The following BAHCC1 variants were observed in gnomAD, a reference collection of about 807,000 sequenced individuals.
BAHCC1 encodes BAH domain and coiled-coil containing 1, also known as BAH and coiled-coil domain-containing protein 1.
In BAHCC1, 43 loss-of-function variants were observed where a neutral mutation model predicts 88.2. The observed-to-expected ratio is 0.49, with a 90% confidence interval of 0.38 to 0.63. The LOEUF (loss-of-function observed/expected upper bound fraction) is 0.63, where lower values mean the gene tolerates loss of function less well. Among genes scored for constraint, BAHCC1 ranks in the 20% least tolerant of loss-of-function variants. The pLI, the probability that BAHCC1 is intolerant of heterozygous loss-of-function variation, is 0.00. For missense variants in BAHCC1, 3,023 were observed against 1,654.8 expected (o/e 1.83, Z -14.34); for synonymous variants, 1,510 against 745.5 (o/e 2.03, Z -16.71).
chr17:81,412,983 G>A (rs1221268490), intron 2 of BAHCC1: 1 of 290,528 alleles, frequency 3.4e-6, no homozygotes. Context: ...TGCGGGTGCG[G>A]CCTCACCTTG....
At chr17:81,419,008 C>T (rs1299903808) in intron 2 of BAHCC1, among the ~76,000 whole-genome samples, 2 of 151,788 alleles carry the variant, frequency 1.3e-5, no homozygotes, top group African/African-American at 4.9e-5. Flanking sequence ...GTGTGAGGTG[C>T]ACCCCACATC....
At chr17:81,449,139 C>T (rs782446906) in intron 11 of BAHCC1, among the ~76,000 whole-genome samples, 16 of 152,142 alleles carry the variant, frequency 1.1e-4, no homozygotes, top group Non-Finnish European at 1.9e-4. Flanking sequence ...CCACGTGTCC[C>T]GGGTGGTGGG....
chr17:81,437,774 A>T (rs2064356138), intron 3 of BAHCC1, among the ~76,000 whole-genome samples: 1 of 151,912 alleles, frequency 6.6e-6, no homozygotes, highest in Non-Finnish European at 1.5e-5. Flanking sequence ...TGTGCAAGGA[A>T]CTCTTTGCCC....
At chr17:81,398,419 T>G (rs1342915033) in intron 1 of BAHCC1, among the ~76,000 whole-genome samples, 1 of 152,200 alleles carries the variant, frequency 6.6e-6, no homozygotes, top group Non-Finnish European at 1.5e-5. Context: ...CAGAAGGTTG[T>G]GCTGGGCCGG....
chr17:81,463,945 C>A lies in BAHCC1; in HGVS notation c.*128C>A. The A allele has an allele frequency of 1.6e-6, 1 of 643,258 alleles. No homozygotes were observed. The highest frequency in any genetic ancestry group is 1.7e-5 in the South Asian group (1 of 57,590). 39.8% of individuals were successfully genotyped at this position (643,258 alleles called of 1,614,324 possible). A position where few individuals can be genotyped will look rare whatever the true frequency, so the allele number is the denominator to read the frequency against. On this transcript the variant is annotated 3_prime_UTR_variant, in exon 28 of 28. Coordinates refer to ENST00000675386, the MANE Select transcript of BAHCC1 (RefSeq NM_001377448.1). Reference sequence around the variant, plus strand: ...CGCATCTGAGCAAATATGCAAAAGCCCACAGGGCAAGACCCAGGCTTTCTT... The same window carrying A: ...CGCATCTGAGCAAATATGCAAAAGCACACAGGGCAAGACCCAGGCTTTCTT...
rs1303641242 is a variant in BAHCC1 at position 81,395,470 on chromosome 17, G to A, written c.-372G>A. On this transcript the variant is annotated 5_prime_UTR_variant, in exon 1 of 28. Coordinates refer to ENST00000675386, the MANE Select transcript of BAHCC1 (RefSeq NM_001377448.1). ...CCGTGGCTCGCCGCGCCAGGCTGCA[G>A]GTTTGAGAGCCGCTCTGGATGGGCT... 3 of 152,256 alleles carry A rather than the reference G, an allele frequency of 2.0e-5. No individual in the cohort carries two copies. Among genetic ancestry groups the A allele is most frequent in the Non-Finnish European group, 4.4e-5 (3 of 68,050 alleles). 9.4% of individuals were successfully genotyped at this position (152,256 alleles called of 1,614,324 possible). A position where few individuals can be genotyped will look rare whatever the true frequency, so the allele number is the denominator to read the frequency against.
intron 2 of BAHCC1, among the ~76,000 whole-genome samples, chr17:81,426,573 A>G (rs1226293254): frequency 6.6e-6 from 1 of 151,872 alleles, no homozygotes; most frequent in Non-Finnish European, 1.5e-5. Context: ...TGTCAGTACC[A>G]GGACACCTGG....
rs368667311 is a variant in BAHCC1, at chr17:81,463,800, G to A, written c.7810G>A (p.Val2604Met). 2.2e-5 allele frequency: 16 copies of A among 742,586 alleles called. No individual in the cohort carries two copies. Among genetic ancestry groups the A allele is most frequent in the Non-Finnish European group, 3.5e-5 (14 of 404,348 alleles). 46.0% of individuals were successfully genotyped at this position (742,586 alleles called of 1,614,324 possible). Residue 2604 changes from valine (V) to methionine (M), a missense_variant, in exon 28 of 28, where the codon GTG (valine) becomes ATG (methionine). By Grantham distance (21) the Val-to-Met change is conservative. Transcript: ENST00000675386. ...CGGGCGCCTGGTGACGGCTGATGGCGTGCCCATCCTATGCTGAGCCGCCCA... is the reference window on the plus strand; with the variant it reads ...CGGGCGCCTGGTGACGGCTGATGGCATGCCCATCCTATGCTGAGCCGCCCA... ...TTGRLVTADGVPILC is the reference protein window; with the variant it reads ...TTGRLVTADGMPILC
At chr17:81,415,553 T>G (rs2064009724) in intron 2 of BAHCC1, 1 of 516,732 alleles carries the variant, frequency 1.9e-6, no homozygotes, top group African/African-American at 1.9e-5. Flanking sequence ...CCTTTCAGCC[T>G]GCAGTGACCT....
chr17:81,414,993 C>T (rs1380947659), intron 2 of BAHCC1, among the ~76,000 whole-genome samples: 28 of 152,210 alleles, frequency 1.8e-4, no homozygotes, highest in Admixed American at 6.5e-5. Flanking sequence ...CCCGCCCCGG[C>T]GTACTGTCCT....
chr17:81,456,124 G>A (rs2064744388), intron 15 of BAHCC1, 173 bp from the exon 16 acceptor site: 6 of 562,810 alleles, frequency 1.1e-5, no homozygotes, highest in Non-Finnish European at 1.9e-5. Context: ...GTAGGCTCCA[G>A]GGGCAGGCCC....
At chr17:81,422,960 C>T (rs1355845124) in intron 2 of BAHCC1, 1 of 283,914 alleles carries the variant, frequency 3.5e-6, no homozygotes, top group African/African-American at 2.4e-5. Context: ...CAGGGGAAGC[C>T]AGCACTTCCC....
chr17:81,408,154 T>C (rs1169980520), intron 2 of BAHCC1, among the ~76,000 whole-genome samples: 2 of 152,214 alleles, frequency 1.3e-5, no homozygotes, highest in Admixed American at 1.3e-4. Context: ...CCTTGCCCTT[T>C]CCTGAGCTCT....
intron 2 of BAHCC1, among the ~76,000 whole-genome samples, chr17:81,417,555 AC>A (rs58215427): frequency 3.8e-5 from 5 of 131,486 alleles, no homozygotes; most frequent in African/African-American, 1.3e-4. Flanking sequence ...AGCGTCGGCC[AC>A]CCCCCCCCCG....
rs571148320 is a variant in BAHCC1, at chr17:81,443,009, G to A, written c.1660G>A (p.Glu554Lys). The A allele has an allele frequency of 5.1e-6, 4 of 778,670 alleles. No individual in the cohort carries two copies. The highest frequency in any genetic ancestry group is 1.7e-5 in the African/African-American group (1 of 59,282). 48.2% of individuals were successfully genotyped at this position (778,670 alleles called of 1,614,324 possible). Reference sequence around the variant, plus strand: ...GCACCAGCAGCACTTGATGGCCGCCGAGGTGGAGCAGGGGGGCATTGGGGC... The same window carrying A: ...GCACCAGCAGCACTTGATGGCCGCCAAGGTGGAGCAGGGGGGCATTGGGGC... ...IRHQQHLMAAEVEQGGIGAEA... is the reference protein window; with the variant it reads ...IRHQQHLMAAKVEQGGIGAEA... The change falls in exon 5 of 28, where the codon GAG (glutamate) becomes AAG (lysine). Residue 554 changes from glutamate to lysine, a missense_variant. Coordinates refer to ENST00000675386, the MANE Select transcript of BAHCC1 (RefSeq NM_001377448.1).
At position 81,451,745 on chromosome 17, in the gene BAHCC1, G is replaced by A. The variant is rs375342313; in HGVS notation, c.4054G>A (p.Ala1352Thr). 1.3e-5 allele frequency: 10 copies of A among 773,802 alleles called. No individual in the cohort carries two copies. Among genetic ancestry groups the A allele is most frequent in the Non-Finnish European group, 2.2e-5 (9 of 417,386 alleles). 47.9% of individuals were successfully genotyped at this position (773,802 alleles called of 1,614,324 possible). A position where few individuals can be genotyped will look rare whatever the true frequency, so the allele number is the denominator to read the frequency against. Residue 1352 changes from alanine (A) to threonine (T), a missense_variant, in exon 12 of 28, where the codon GCT (alanine) becomes ACT (threonine). Transcript: ENST00000675386. Reference protein sequence around the residue: ...LATAWSLVEAAGLDSSTAPAQ... With the variant: ...LATAWSLVEATGLDSSTAPAQ... ...CACAGCCTGGTCCCTGGTGGAGGCCGCTGGCCTGGACAGCTCCACTGCCCC... is the reference window on the plus strand; with the variant it reads ...CACAGCCTGGTCCCTGGTGGAGGCCACTGGCCTGGACAGCTCCACTGCCCC...
intron 26 of BAHCC1, 184 bp from the exon 27 acceptor site, chr17:81,462,556 T>C (rs2030392852): frequency 5.1e-6 from 3 of 583,378 alleles, no homozygotes; most frequent in Non-Finnish European, 9.1e-6. Flanking sequence ...TGGCCCCTGC[T>C]CCAGATCCAT....
At chr17:81,423,104 C>G (rs2064134372) in intron 2 of BAHCC1, among the ~76,000 whole-genome samples, 1 of 152,098 alleles carries the variant, frequency 6.6e-6, no homozygotes, top group Non-Finnish European at 1.5e-5. Context: ...CTGGGCCTGG[C>G]CCTGCTCCAC....
chr17:81,436,044 G>A (rs982834177), intron 3 of BAHCC1, among the ~76,000 whole-genome samples: 1 of 151,996 alleles, frequency 6.6e-6, no homozygotes, highest in Middle Eastern at 3.2e-3. Context: ...GCCCAAAGAT[G>A]ACCCCACCCT....
Sources: gnomAD v4.1 joint callset for allele counts (sites outside exome capture counted in the v4.1 genomes callset) on GRCh38, gnomAD v4.1.1 for gene constraint, MANE v1.5 for transcripts, NCBI Gene and HGNC (gene_info 2026-07-23, HGNC 2026-07-21) for gene names.